NRG1: variants seen among roughly 807,000 people sequenced by gnomAD.
NRG1 encodes pro-neuregulin-1, membrane-bound isoform.
A neutral mutation model predicts 63.8 loss-of-function variants in NRG1; 18 were observed. The ratio of observed to expected loss-of-function variants is 0.28; its 90% CI spans 0.19 to 0.42. NRG1 has a LOEUF of 0.42. NRG1 is among the 10% of genes least tolerant of loss of function. The probability of loss-of-function intolerance (pLI) is 1.00; values close to 1 mark genes in which losing one functional copy is unlikely to be tolerated. For missense variants in NRG1, 762 were observed against 814.7 expected, an observed-to-expected ratio of 0.94 and a Z score of 0.79; for synonymous variants, 302 against 301.3, an observed-to-expected ratio of 1.00 and a Z score of -0.02.
At position 31,640,094 on chromosome 8, in the gene NRG1, T is replaced by G; in HGVS notation, c.37+663T>G. 8.8e-7 allele frequency: 1 copy of G among 1,141,344 alleles called. No homozygotes were observed. The highest frequency in any genetic ancestry group is 1.1e-6 in the Non-Finnish European group (1 of 931,596). The allele number at this position is 1,141,344 out of a possible 1,614,324, so 70.7% of individuals were successfully genotyped here. ...CCGCTGCCGCTGCTGCCACTACTGC[T>G]GCTGCTGGGGACCGCGGCCCTGGCG... is the stretch of plus-strand genomic sequence containing the variant. On this transcript the variant is annotated intron_variant, in intron 1 of 10. Coordinates refer to the NRG1 transcript ENST00000519301. The surrounding 1 kb of genome is among the most constrained non-coding windows in gnomAD (Gnocchi z 6.3).
upstream of NRG1, among the ~76,000 whole-genome samples, chr8:32,546,535 A>G (rs1833091933): frequency 2.0e-5 from 3 of 152,160 alleles, no homozygotes. Context: ...CTGGGAAAAC[A>G]GAGTTATTTC....
At chr8:32,608,070 G>T (rs143274274) in intron 3 of NRG1, among the ~76,000 whole-genome samples, 120 of 143,420 alleles carry the variant, frequency 8.4e-4, no homozygotes, top group South Asian at 2.3e-4. Flanking sequence ...AGCAAAAGGA[G>T]ATATGAACCC....
chr8:32,457,907 G>A (rs563593566), intron 1 of NRG1, among the ~76,000 whole-genome samples: 20 of 145,688 alleles, frequency 1.4e-4, no homozygotes, highest in Middle Eastern at 3.5e-3. Context: ...TCTTCAGCAC[G>A]TAAAGCAACT....
chr8:32,563,218 G>C (rs1183063737), intron 1 of NRG1, among the ~76,000 whole-genome samples: 2 of 152,180 alleles, frequency 1.3e-5, no homozygotes, highest in African/African-American at 4.8e-5. Flanking sequence ...GCCCAGGGAA[G>C]CCAAAATATT....
At chr8:32,648,390 TAGAG>T (rs146965117) in intron 5 of NRG1, 176 of 1,578,382 alleles carry the variant, frequency 1.1e-4, no homozygotes, top group Middle Eastern at 1.7e-4. Context: ...ACTTTGTAAG[TAGAG>T]AGAGAGAGAG....
At chr8:32,724,304 A>G (rs988849736) in intron 5 of NRG1, among the ~76,000 whole-genome samples, 9 of 152,052 alleles carry the variant, frequency 5.9e-5, no homozygotes, top group Admixed American at 2.6e-4. Context: ...GATCCAGTTC[A>G]CCTCCTTCCT....
At chr8:32,519,090 A>G (rs1279015955) in intron 1 of NRG1, among the ~76,000 whole-genome samples, 1 of 152,062 alleles carries the variant, frequency 6.6e-6, no homozygotes, top group East Asian at 1.9e-4. Flanking sequence ...ATTTTTTTTT[A>G]CCAGATATGA....
intron 1 of NRG1, among the ~76,000 whole-genome samples, chr8:32,553,500 A>G (rs770765400): frequency 1.3e-5 from 2 of 152,188 alleles, no homozygotes; most frequent in African/African-American, 2.4e-5. Context: ...TATATACATT[A>G]TGAAAACAGT....
At chr8:32,366,034 A>C (rs1253836097) in intron 1 of NRG1, among the ~76,000 whole-genome samples, 1 of 152,174 alleles carries the variant, frequency 6.6e-6, no homozygotes, top group African/African-American at 2.4e-5. Context: ...GGATGAGGTC[A>C]GTTGCTCCTC....
chr8:32,746,181 C>T (rs76812564), intron 7 of NRG1, among the ~76,000 whole-genome samples: 14 of 151,716 alleles, frequency 9.2e-5, no homozygotes, highest in Admixed American at 2.0e-4. Context: ...AGAAAGTCTC[C>T]GTTAACATTT....
intron 1 of NRG1, among the ~76,000 whole-genome samples, chr8:32,520,070 T>C (rs549795912): frequency 6.6e-6 from 1 of 152,272 alleles, no homozygotes; most frequent in Non-Finnish European, 1.5e-5. Context: ...TGTAATTGCA[T>C]ATGTGTATAC....
At chr8:31,732,248 ATTAT>A (rs1276238095) in intron 1 of NRG1, among the ~76,000 whole-genome samples, 2 of 152,088 alleles carry the variant, frequency 1.3e-5, no homozygotes, top group Non-Finnish European at 2.9e-5. Context: ...TGCCTTACCA[ATTAT>A]TTAACGTAAC....
chr8:31,754,305 G>A (rs148732863), intron 1 of NRG1, among the ~76,000 whole-genome samples: 89 of 152,248 alleles, frequency 5.8e-4, no homozygotes, highest in African/African-American at 2.0e-3. Flanking sequence ...CTCATGAAGA[G>A]TTTAGTACTA....
chr8:31,883,890 A>G (rs146012214), intron 1 of NRG1, among the ~76,000 whole-genome samples: 1 of 152,246 alleles, frequency 6.6e-6, no homozygotes, highest in Non-Finnish European at 1.5e-5. Flanking sequence ...TGATTCTGTA[A>G]CATCTTAGCA....
chr8:32,233,763 C>G (rs1311145645), intron 1 of NRG1, among the ~76,000 whole-genome samples: 1 of 151,710 alleles, frequency 6.6e-6, no homozygotes, highest in Non-Finnish European at 1.5e-5. Context: ...TAGGGTTTCA[C>G]CATGTTGGCC....
chr8:32,097,506 A>AT (rs564877203), intron 1 of NRG1, among the ~76,000 whole-genome samples: 14 of 152,118 alleles, frequency 9.2e-5, no homozygotes, highest in South Asian at 8.3e-4. Flanking sequence ...CATTTGTAAA[A>AT]TTTTTTTTGT....
chr8:32,742,609 A>C lies in NRG1; in HGVS notation c.633-66A>C. On this transcript the variant is annotated intron_variant, in intron 6 of 11. Coordinates refer to ENST00000356819, the Ensembl canonical transcript of NRG1. The surrounding 1 kb of genome is among the most constrained non-coding windows in gnomAD (Gnocchi z 4.2). ...AATGACACTGAAGGAGCTTCTTTCT[A>C]GCATATATTCACCTCTTCTCTTTTT... is the stretch of plus-strand genomic sequence containing the variant. The C allele has an allele frequency of 7.3e-5, 98 of 1,338,972 alleles. No individual in the cohort carries two copies. Among genetic ancestry groups the C allele is most frequent in the Non-Finnish European group, 9.4e-5 (88 of 935,668 alleles). 82.9% of individuals were successfully genotyped at this position (1,338,972 alleles called of 1,614,324 possible). A position where few individuals can be genotyped will look rare whatever the true frequency, so the allele number is the denominator to read the frequency against.
chr8:32,166,296 T>C (rs539917665), intron 1 of NRG1, among the ~76,000 whole-genome samples: 41 of 152,322 alleles, frequency 2.7e-4, no homozygotes, highest in African/African-American at 9.6e-4. Flanking sequence ...AGTGCTCAGC[T>C]CACAACTGGA....
intron 1 of NRG1, among the ~76,000 whole-genome samples, chr8:31,829,453 A>T (rs1225020356): frequency 6.6e-6 from 1 of 152,252 alleles, no homozygotes; most frequent in Non-Finnish European, 1.5e-5. Flanking sequence ...ATTACATAGC[A>T]TGCGGAATGG....
Sources: gnomAD v4.1 joint callset for allele counts (sites outside exome capture counted in the v4.1 genomes callset) on GRCh38, gnomAD v4.1.1 for gene constraint, Gnocchi (gnomAD v3.1) non-coding constraint, MANE v1.5 for transcripts, NCBI Gene and HGNC (gene_info 2026-07-23, HGNC 2026-07-21) for gene names.